PROZ: variants seen among roughly 807,000 people sequenced by gnomAD.
The protein encoded by PROZ is vitamin K-dependent protein Z.
PROZ carries 46 observed loss-of-function variants against 34.9 expected under a neutral mutation model. That is an observed-to-expected ratio of 1.32 (90% CI 1.04 to 1.69). The LOEUF is 1.69. Ranked by LOEUF, PROZ falls within the 40% of genes most tolerant of loss-of-function variation. The pLI is 0.00. For synonymous variants in PROZ, 195 were observed against 208.5 expected (o/e 0.94, Z 0.56); for missense variants, 530 against 520.4 (o/e 1.02, Z -0.18).
chr13:113,161,887 C>T (rs2036771238), intron 3 of PROZ, among the ~76,000 whole-genome samples: 1 of 72,816 alleles, frequency 1.4e-5, no homozygotes, highest in Non-Finnish European at 3.0e-5. Context: ...GCCACGTCCC[C>T]ACATCCTCCT....
At position 113,163,102 on chromosome 13, in the gene PROZ, AG is replaced by A; in HGVS notation, c.356del (p.Gly119AlafsTer58). Reference protein sequence around the residue: ...GYTCTCSPGYEGSNCELAKNE... With the variant: ...GYTCTCSPGYXGSNCELAKNE... ...ACCTGCACCTGCTCCCCCGGCTATGAGGGCAGCAACTGCGAGCTGGGTGAGG... is the reference window on the plus strand; with the variant it reads ...ACCTGCACCTGCTCCCCCGGCTATGAGGCAGCAACTGCGAGCTGGGTGAGG... On this transcript the variant is annotated frameshift_variant, in exon 4 of 8. Coordinates refer to ENST00000375547, the MANE Select transcript of PROZ (RefSeq NM_003891.3). LOFTEE classifies it high-confidence loss of function. 1 of 1,555,112 alleles carries A rather than the reference AG, an allele frequency of 6.4e-7. No individual in the cohort carries two copies. Among genetic ancestry groups the A allele is most frequent in the Admixed American group, 1.9e-5 (1 of 51,712 alleles).
chr13:113,158,764 T>C lies in PROZ; in HGVS notation c.70+34T>C, dbSNP rs1431060436. On this transcript the variant is annotated intron_variant, in intron 1 of 7. Coordinates refer to ENST00000375547, the MANE Select transcript of PROZ (RefSeq NM_003891.3). The surrounding 1 kb of genome is among the most constrained non-coding windows in gnomAD (Gnocchi z 4.3). ...CTGGCTTACCTGTCTGTTGTGCCTG[T>C]GCTGTGTCTTTCTTGACTCGGTCCA... The C allele has an allele frequency of 1.9e-6, 3 of 1,564,448 alleles. No individual in the cohort carries two copies. The highest frequency in any genetic ancestry group is 2.6e-6 in the Non-Finnish European group (3 of 1,151,694).
At chr13:113,168,508 G>T (rs1278421978) in intron 6 of PROZ, among the ~76,000 whole-genome samples, 1 of 152,258 alleles carries the variant, frequency 6.6e-6, no homozygotes, top group Admixed American at 6.5e-5. Flanking sequence ...TGTGCCACAA[G>T]ACGGCTCCCA....
At chr13:113,160,650 G>T (rs1001325874) in intron 2 of PROZ, among the ~76,000 whole-genome samples, 11 of 152,220 alleles carry the variant, frequency 7.2e-5, no homozygotes, top group African/African-American at 2.7e-4. Context: ...CCCTAGAAGG[G>T]AAGGGCCACG....
rs146508263 is a variant in PROZ at position 113,171,539 on chromosome 13, T to C, written c.692-55T>C. On this transcript the variant is annotated intron_variant, in intron 7 of 7. Coordinates refer to ENST00000375547, the MANE Select transcript of PROZ (RefSeq NM_003891.3). The surrounding 1 kb of genome is among the most constrained non-coding windows in gnomAD (Gnocchi z 5.1). The stretch of plus-strand genomic sequence containing the variant: ...GCTCCCTGAGAAGCTCGTTTGAGCA[T>C]TATGTCCCCTTGAAAATCAGACTGT... The C allele has an allele frequency of 3.6e-5, 58 of 1,611,192 alleles. No homozygotes were observed. The East Asian group carries it at 1.2e-3, about 35-fold the overall frequency.
intron 4 of PROZ, among the ~76,000 whole-genome samples, chr13:113,163,388 C>T (rs907486444): frequency 3.3e-5 from 5 of 152,180 alleles, no homozygotes; most frequent in Admixed American, 6.5e-5. Context: ...CTCCCCCCAC[C>T]ACCTCAACCA....
In PROZ at chr13:113,159,648, G is replaced by A. The variant is rs1415106847; in HGVS notation, c.71-366G>A. Reference sequence around the variant, plus strand: ...TGCGCACAGAGGCAGCACAGGAGCTGATGGCTCTTGGTCCCCAGTTCTCAG... The same window carrying A: ...TGCGCACAGAGGCAGCACAGGAGCTAATGGCTCTTGGTCCCCAGTTCTCAG... On this transcript the variant is annotated intron_variant, in intron 1 of 7. Transcript: ENST00000375547. This position sits in a 1 kb window ranked among gnomAD's most constrained non-coding sequence, Gnocchi z 4.6. 6.6e-6 allele frequency among the ~76,000 whole-genome samples: 1 copy of A among 152,240 alleles called. No homozygotes were observed. Among genetic ancestry groups the A allele is most frequent in the Non-Finnish European group, 1.5e-5 (1 of 68,042 alleles).
rs1030710828 is a variant in PROZ at position 113,159,529 on chromosome 13, G to A, written c.71-485G>A. ...AAGAGGCTCCAGAGACCACTGCCGC[G>A]GGTCAACTCATTTGCCTTCTCCTCC... On this transcript the variant is annotated intron_variant, in intron 1 of 7. Transcript: ENST00000375547. This position sits in a 1 kb window ranked among gnomAD's most constrained non-coding sequence, Gnocchi z 4.6. Among the ~76,000 whole-genome samples the A allele has an allele frequency of 2.0e-5, 3 of 152,174 alleles. No homozygotes were observed. Among genetic ancestry groups the A allele is most frequent in the African/African-American group, 7.2e-5 (3 of 41,428 alleles).
chr13:113,159,515 G>A lies in PROZ; in HGVS notation c.71-499G>A, dbSNP rs964500462. ...GACCCTCAGGTGGGAAGAGGCTCCA[G>A]AGACCACTGCCGCGGGTCAACTCAT... On this transcript the variant is annotated intron_variant, in intron 1 of 7. Transcript: ENST00000375547. The surrounding 1 kb of genome is among the most constrained non-coding windows in gnomAD (Gnocchi z 4.6). Among the ~76,000 whole-genome samples the A allele has an allele frequency of 2.0e-5, 3 of 152,184 alleles. No individual in the cohort carries two copies. The highest frequency in any genetic ancestry group is 7.2e-5 in the African/African-American group (3 of 41,434).
rs760533608 is a variant in PROZ, at chr13:113,170,458, A to G, written c.619A>G (p.Ile207Val). ...AGGAAAAGACTTCTGTGGTGGTGTT[A>G]TAATACGGGAAAATTTTGTACTGAC... is the stretch of plus-strand genomic sequence containing the variant. ...SEGKDFCGGV[I>V]IRENFVLTTA... is the part of the protein sequence containing the mutation. The change falls in exon 7 of 8, where the codon ATA becomes GTA. Residue 207 changes from isoleucine (I) to valine (V), a missense_variant. Transcript: ENST00000375547. The G allele has an allele frequency of 1.2e-6, 2 of 1,611,042 alleles. No homozygotes were observed. Among genetic ancestry groups the G allele is most frequent in the African/African-American group, 1.3e-5 (1 of 74,852 alleles).
intron 3 of PROZ, among the ~76,000 whole-genome samples, chr13:113,161,512 C>T (rs2036758793): frequency 3.9e-5 from 6 of 152,110 alleles, no homozygotes; most frequent in Admixed American, 3.9e-4. Flanking sequence ...CAAAGAGCTG[C>T]AGCCACCACC....
chr13:113,166,947 C>G (rs2036954677), intron 6 of PROZ, among the ~76,000 whole-genome samples: 1 of 152,226 alleles, frequency 6.6e-6, no homozygotes, highest in African/African-American at 2.4e-5. Flanking sequence ...GAGGCATTCT[C>G]TAAACACAGC....
intron 4 of PROZ, among the ~76,000 whole-genome samples, chr13:113,163,420 G>T (rs935697273): frequency 6.6e-6 from 1 of 151,994 alleles, no homozygotes; most frequent in Non-Finnish European, 1.5e-5. Context: ...CTCACAGGCT[G>T]GGGGGGTCAC....
intron 3 of PROZ, among the ~76,000 whole-genome samples, chr13:113,161,259 C>T (rs551685013): frequency 6.6e-6 from 1 of 152,254 alleles, no homozygotes; most frequent in Non-Finnish European, 1.5e-5. Context: ...AGGGCCCCCC[C>T]AGAGCAGCTC....
chr13:113,170,580 T>C (rs770335659), intron 7 of PROZ, 50 bp downstream of exon 7: 11 of 1,096,880 alleles, frequency 1.0e-5, no homozygotes, highest in Non-Finnish European at 1.4e-5. Flanking sequence ...AAATACACTA[T>C]CCTATGTAAG....
rs75253297 is a variant in PROZ, at chr13:113,170,852, G to A, written c.691+322G>A. On this transcript the variant is annotated intron_variant, in intron 7 of 7. Coordinates refer to ENST00000375547, the MANE Select transcript of PROZ (RefSeq NM_003891.3). ...ATTGGCTAAAAATCGGAAGAATGGG[G>A]CTCGAATCCCCCAGCAGTTGAGACC... 1.7e-3 allele frequency among the ~76,000 whole-genome samples: 257 copies of A among 151,966 alleles called. 1 individual carries two copies. Among genetic ancestry groups the A allele is most frequent in the African/African-American group, 5.8e-3 (240 of 41,436 alleles).
In PROZ at chr13:113,161,756, G is replaced by GC. The variant is rs529111232; in HGVS notation, c.259+791dup. ...TCAGTCCCCATTCCTGCCACCCCCT[G>GC]CCCCCCCGTCCTCCTCCTGCTCAGG... On this transcript the variant is annotated intron_variant, in intron 3 of 7. Transcript: ENST00000375547. 9.5e-4 allele frequency among the ~76,000 whole-genome samples: 88 copies of GC among 92,280 alleles called. 1 individual carries two copies. The highest frequency in any genetic ancestry group is 1.7e-3 in the Non-Finnish European group (71 of 42,490). 60.5% of individuals were successfully genotyped at this position (92,280 alleles called of 152,430 possible). A position where few individuals can be genotyped will look rare whatever the true frequency, so the allele number is the denominator to read the frequency against.
At chr13:113,170,321 G>A in intron 6 of PROZ, 92 bp from the exon 7 acceptor site, 1 of 789,348 alleles carries the variant, frequency 1.3e-6, no homozygotes, top group South Asian at 1.4e-5. Flanking sequence ...GTGGGGGTGG[G>A]GGGGTGGTCC....
At position 113,163,073 on chromosome 13, in the gene PROZ, C is replaced by A; in HGVS notation, c.324C>A (p.Gly108=). 2 of 1,562,336 alleles carry A rather than the reference C, an allele frequency of 1.3e-6. No individual in the cohort carries two copies. The highest frequency in any genetic ancestry group is 1.7e-6 in the Non-Finnish European group (2 of 1,152,504). Residue 108 remains glycine, a synonymous_variant, in exon 4 of 8, where the codon GGC becomes GGA. Transcript: ENST00000375547. ...GCTCTTGCCAGGACAGCATCTGGGG[C>A]TACACCTGCACCTGCTCCCCCGGCT... is the stretch of plus-strand genomic sequence containing the variant. ...HNGSCQDSIW[G]YTCTCSPGYE...
Sources: allele counts gnomAD v4.1 joint callset (sites outside exome capture counted in the v4.1 genomes callset), GRCh38; gene constraint gnomAD v4.1.1; non-coding constraint Gnocchi (gnomAD v3.1); transcripts MANE v1.5; gene names NCBI Gene and HGNC (gene_info 2026-07-23, HGNC 2026-07-21).